SPSB1: variants seen among roughly 807,000 people sequenced by gnomAD.
The protein encoded by SPSB1 is SPRY domain-containing SOCS box protein 1.
In SPSB1, 8 loss-of-function variants were observed where a neutral mutation model predicts 21.2. That is an observed-to-expected ratio of 0.38 (90% CI 0.22 to 0.68). The LOEUF is 0.68. SPSB1 is among the 30% of genes least tolerant of loss of function. SPSB1 has a pLI of 0.53. For synonymous variants in SPSB1, 169 were observed against 161.7 expected, an observed-to-expected ratio of 1.05 and a Z score of -0.34; for missense variants, 242 against 377.8, an observed-to-expected ratio of 0.64 and a Z score of 2.98.
At position 9,368,331 on chromosome 1, in the gene SPSB1, A is replaced by C. The variant is rs1053649242; in HGVS notation, c.*756A>C. The C allele has an allele frequency of 2.0e-5, 3 of 152,244 alleles. No homozygotes were observed. The highest frequency in any genetic ancestry group is 2.0e-4 in the Admixed American group (3 of 15,272). 9.4% of individuals were successfully genotyped at this position (152,244 alleles called of 1,614,324 possible). On this transcript the variant is annotated 3_prime_UTR_variant, in exon 3 of 3. Coordinates refer to ENST00000328089, the MANE Select transcript of SPSB1 (RefSeq NM_025106.4). ...TGCCTCGCCCGCCCTCCCTGGGCAC[A>C]TGTGCACACGTGCCCAGGCACAAGT...
chr1:9,336,264 G>A (rs1269546251), intron 1 of SPSB1, among the ~76,000 whole-genome samples: 1 of 151,954 alleles, frequency 6.6e-6, no homozygotes, highest in Non-Finnish European at 1.5e-5. Flanking sequence ...TTTCACTCTT[G>A]TTGCCCAGGC....
chr1:9,309,707 G>A (rs974978457), intron 1 of SPSB1, among the ~76,000 whole-genome samples: 35 of 152,166 alleles, frequency 2.3e-4, no homozygotes, highest in African/African-American at 8.2e-4. Flanking sequence ...GTCGGGGATG[G>A]TGGTGCATGC....
chr1:9,316,281 C>T (rs1174384073), intron 1 of SPSB1, among the ~76,000 whole-genome samples: 1 of 152,162 alleles, frequency 6.6e-6, no homozygotes, highest in African/African-American at 2.4e-5. Context: ...GGGTGAGTCA[C>T]CTGCTTTGGG....
chr1:9,322,098 G>C (rs1431289137), intron 1 of SPSB1, among the ~76,000 whole-genome samples: 1 of 152,130 alleles, frequency 6.6e-6, no homozygotes, highest in Admixed American at 6.5e-5. Context: ...GGCTTGAATG[G>C]CTCTTTATTA....
rs1640514480 is a variant in SPSB1 at position 9,363,772 on chromosome 1, T to C, written c.695-3676T>C. On this transcript the variant is annotated intron_variant, in intron 2 of 2. Coordinates refer to ENST00000328089, the MANE Select transcript of SPSB1 (RefSeq NM_025106.4). The surrounding 1 kb of genome is among the most constrained non-coding windows in gnomAD (Gnocchi z 4.5). The stretch of plus-strand genomic sequence containing the variant: ...TGTAGTGCAGTGGCGCAATCTCAGC[T>C]CACTGCAAACCTCTGCCTCCCAGGT... Among the ~76,000 whole-genome samples, 1 of 151,996 alleles carries C rather than the reference T, an allele frequency of 6.6e-6. No individual in the cohort carries two copies. Among genetic ancestry groups the C allele is most frequent in the African/African-American group, 2.4e-5 (1 of 41,364 alleles).
At chr1:9,308,928 G>A (rs2100468192) in intron 1 of SPSB1, among the ~76,000 whole-genome samples, 1 of 152,266 alleles carries the variant, frequency 6.6e-6, no homozygotes, top group African/African-American at 2.4e-5. Flanking sequence ...CTGAGAGCCT[G>A]TGGCCCAGCA....
intron 1 of SPSB1, among the ~76,000 whole-genome samples, chr1:9,332,493 T>C (rs1211359727): frequency 6.6e-6 from 1 of 152,052 alleles, no homozygotes. Context: ...AAGGGATGTA[T>C]GAGTGGGAGC....
intron 2 of SPSB1, among the ~76,000 whole-genome samples, chr1:9,359,711 A>AAAG (rs1640434362): frequency 1.3e-5 from 2 of 150,970 alleles, no homozygotes; most frequent in Non-Finnish European, 3.0e-5. Flanking sequence ...CTGGGAAAAA[A>AAAG]AAAAAAAAAA....
chr1:9,294,401 C>G (rs1464819464), intron 1 of SPSB1: 2 of 152,292 alleles, frequency 1.3e-5, no homozygotes, highest in Non-Finnish European at 2.9e-5. Flanking sequence ...CCAGGGGGCC[C>G]TCTGGTTCCT....
In SPSB1 at chr1:9,293,976, G is replaced by A. The variant is rs114611408; in HGVS notation, c.-150+905G>A. ...CATCTGTGTATTTATGTGCCTCTGA[G>A]TGTGTGTGTGAGTCTGTGTGTCTGT... is the stretch of plus-strand genomic sequence containing the variant. On this transcript the variant is annotated intron_variant, in intron 1 of 2. Coordinates refer to ENST00000328089, the MANE Select transcript of SPSB1 (RefSeq NM_025106.4). This position sits in a 1 kb window ranked among gnomAD's most constrained non-coding sequence, Gnocchi z 5.1. Among the ~76,000 whole-genome samples, 3,407 of 149,302 alleles carry A rather than the reference G, an allele frequency of 0.023. 132 individuals carry two copies. Among genetic ancestry groups the A allele is most frequent in the African/African-American group, 0.082 (3,244 of 39,690 alleles).
At chr1:9,323,129 G>A (rs1639749958) in intron 1 of SPSB1, among the ~76,000 whole-genome samples, 1 of 152,230 alleles carries the variant, frequency 6.6e-6, no homozygotes, top group African/African-American at 2.4e-5. Context: ...GCAGCCACCT[G>A]CCGGACATTC....
chr1:9,306,615 G>A (rs1258939987), intron 1 of SPSB1, among the ~76,000 whole-genome samples: 1 of 152,204 alleles, frequency 6.6e-6, no homozygotes, highest in Non-Finnish European at 1.5e-5. Context: ...TGCCACCCAG[G>A]GGAAGAGCTG....
chr1:9,338,539 G>A (rs1029047851), intron 1 of SPSB1, among the ~76,000 whole-genome samples: 9 of 152,370 alleles, frequency 5.9e-5, no homozygotes, highest in South Asian at 2.1e-4. Flanking sequence ...CTCCGGCCTC[G>A]CCCAGGAGGA....
intron 1 of SPSB1, among the ~76,000 whole-genome samples, chr1:9,300,740 G>A (rs186510102): frequency 2.3e-3 from 349 of 152,322 alleles, no homozygotes; most frequent in Non-Finnish European, 3.9e-3. Context: ...TGGTATATAT[G>A]GGATCAGGTC....
chr1:9,306,933 T>C (rs1023194076), intron 1 of SPSB1, among the ~76,000 whole-genome samples: 3 of 148,680 alleles, frequency 2.0e-5, no homozygotes, highest in Non-Finnish European at 4.5e-5. Context: ...TTTTCTTCTT[T>C]TTTTTTTTTT....
chr1:9,354,018 C>T (rs1476651899), intron 1 of SPSB1, among the ~76,000 whole-genome samples: 3 of 152,122 alleles, frequency 2.0e-5, no homozygotes, highest in Admixed American at 6.5e-5. Flanking sequence ...CAAGTGTTCC[C>T]GCATGGGAAG....
chr1:9,339,799 G>GC (rs1286238588), intron 1 of SPSB1, among the ~76,000 whole-genome samples: 1 of 152,146 alleles, frequency 6.6e-6, no homozygotes, highest in African/African-American at 2.4e-5. Context: ...TATGTGCCCT[G>GC]CCCCCCATTC....
At position 9,367,393 on chromosome 1, in the gene SPSB1, G is replaced by C; in HGVS notation, c.695-55G>C. On this transcript the variant is annotated intron_variant, in intron 2 of 2. Coordinates refer to ENST00000328089, the MANE Select transcript of SPSB1 (RefSeq NM_025106.4). The surrounding 1 kb of genome is among the most constrained non-coding windows in gnomAD (Gnocchi z 5.9). ...TAATATTGCTGCTGTGGTTAGCGCT[G>C]TTTGCTGAACACCCACCCAAGCTGC... The C allele has an allele frequency of 6.2e-7, 1 of 1,611,768 alleles. No individual in the cohort carries two copies. The highest frequency in any genetic ancestry group is 8.5e-7 in the Non-Finnish European group (1 of 1,179,860).
At chr1:9,364,967 T>C (rs1640543875) in intron 2 of SPSB1, among the ~76,000 whole-genome samples, 1 of 152,180 alleles carries the variant, frequency 6.6e-6, no homozygotes, top group South Asian at 2.1e-4. Flanking sequence ...TTCTCCTGCC[T>C]TAGCCTCCCG....
Sources: allele counts gnomAD v4.1 joint callset (sites outside exome capture counted in the v4.1 genomes callset), GRCh38; gene constraint gnomAD v4.1.1; non-coding constraint Gnocchi (gnomAD v3.1); transcripts MANE v1.5; gene names NCBI Gene and HGNC (gene_info 2026-07-23, HGNC 2026-07-21).